Variants in NBEAL1 observed in about 807,000 individuals in gnomAD.
NBEAL1 encodes neurobeachin like 1, also known as neurobeachin-like protein 1.
NBEAL1 carries 273 observed loss-of-function variants against 351.3 expected under a neutral mutation model. The ratio of observed to expected loss-of-function variants is 0.78; its 90% CI spans 0.70 to 0.86. The LOEUF is 0.86. Among genes scored for constraint, NBEAL1 ranks in the 40% least tolerant of loss-of-function variants. NBEAL1 has a pLI of 0.00. For synonymous variants in NBEAL1, 1,050 were observed against 1,086.4 expected (o/e 0.97, Z 0.66); for missense variants, 2,961 against 3,201.3 (o/e 0.92, Z 1.81).
chr2:203,071,459 C>G (rs2061680780), intron 7 of NBEAL1, among the ~76,000 whole-genome samples: 1 of 152,140 alleles, frequency 6.6e-6, no homozygotes. Flanking sequence ...GCAATACAGT[C>G]ATATGGGGAG....
rs1419920056 is a variant in NBEAL1, at chr2:203,223,372, T to A, written c.*6018T>A. Among the ~76,000 whole-genome samples, 1 of 152,176 alleles carries A rather than the reference T, an allele frequency of 6.6e-6. No individual in the cohort carries two copies. Among genetic ancestry groups the A allele is most frequent in the Non-Finnish European group, 1.5e-5 (1 of 67,994 alleles). On this transcript the variant is annotated 3_prime_UTR_variant, in exon 56 of 56. Coordinates refer to ENST00000683969, the MANE Select transcript of NBEAL1 (RefSeq NM_001378026.1). The stretch of plus-strand genomic sequence containing the variant: ...AACAATAATAGTAATAACACAATTT[T>A]GTCATTTAAAAAATTACCCATTCAT...
intron 2 of NBEAL1, among the ~76,000 whole-genome samples, chr2:203,027,889 ATT>A (rs879821534): frequency 2.1e-5 from 3 of 143,866 alleles, no homozygotes; most frequent in Non-Finnish European, 3.1e-5. Flanking sequence ...TTTCTGAACA[ATT>A]TTTTTTTTTT....
intron 35 of NBEAL1, among the ~76,000 whole-genome samples, chr2:203,153,437 G>C (rs956003786): frequency 6.6e-6 from 1 of 151,910 alleles, no homozygotes. Flanking sequence ...AGCCGGCATG[G>C]CTGGCCAGAT....
chr2:203,062,153 T>G lies in NBEAL1; in HGVS notation c.515+4700T>G, dbSNP rs1440282193. The G allele has an allele frequency of 2.5e-6, 1 of 406,558 alleles. No homozygotes were observed. 25.2% of individuals were successfully genotyped at this position (406,558 alleles called of 1,614,324 possible). On this transcript the variant is annotated intron_variant, in intron 6 of 55. Coordinates refer to ENST00000683969, the MANE Select transcript of NBEAL1 (RefSeq NM_001378026.1). This position sits in a 1 kb window ranked among gnomAD's most constrained non-coding sequence, Gnocchi z 4.2. The stretch of plus-strand genomic sequence containing the variant: ...TTCAGATTAAGATTTGAATTCTGGC[T>G]GAAGGTTTCTCCACCTTGACTATTT...
intron 6 of NBEAL1, among the ~76,000 whole-genome samples, chr2:203,067,481 A>G (rs2061612863): frequency 6.6e-6 from 1 of 152,184 alleles, no homozygotes; most frequent in African/African-American, 2.4e-5. Context: ...TTGTTCTATG[A>G]TCAATTGACA....
intron 35 of NBEAL1, 37 bp from the exon 36 acceptor site, chr2:203,157,662 T>C (rs1382145477): frequency 8.0e-6 from 12 of 1,494,802 alleles, no homozygotes; most frequent in Non-Finnish European, 1.1e-5. Flanking sequence ...TATTGTTTTT[T>C]ACTTTATGTT....
intron 3 of NBEAL1, among the ~76,000 whole-genome samples, chr2:203,044,168 T>TA (rs1377445684): frequency 6.6e-6 from 1 of 152,076 alleles, no homozygotes; most frequent in African/African-American, 2.4e-5. Context: ...GTGAGTGTAC[T>TA]AAAAAAAGAC....
rs1192717776 is a variant in NBEAL1 at position 203,132,032 on chromosome 2, A to G, written c.3624A>G (p.Arg1208=). The G allele has an allele frequency of 6.4e-7, 1 of 1,554,686 alleles. No homozygotes were observed. The highest frequency in any genetic ancestry group is 2.0e-5 in the Admixed American group (1 of 50,936). The change falls in exon 26 of 56, where the codon CGA becomes CGG. Residue 1208 remains arginine, a synonymous_variant. Coordinates refer to ENST00000683969, the MANE Select transcript of NBEAL1 (RefSeq NM_001378026.1). ...ATGAGCGTAGTAAACAACATATTCG[A>G]CTCAGAGAAGTTGGCTACTCGGGAC... ...NVYERSKQHI[R]LREVGYSGLG...
intron 6 of NBEAL1, among the ~76,000 whole-genome samples, chr2:203,064,017 A>G (rs867490234): frequency 3.9e-5 from 6 of 152,076 alleles, no homozygotes; most frequent in Admixed American, 6.6e-5. Context: ...CCTAGGGGGA[A>G]GTTTTAGTTG....
At chr2:203,097,501 C>A in intron 10 of NBEAL1, 46 bp from the exon 11 acceptor site, 3 of 814,422 alleles carry the variant, frequency 3.7e-6, no homozygotes, top group Non-Finnish European at 4.5e-6. Context: ...TTATAGGTAA[C>A]AATTTAATGT....
chr2:203,178,238 C>T (rs1164507098), intron 42 of NBEAL1, among the ~76,000 whole-genome samples: 5 of 150,284 alleles, frequency 3.3e-5, no homozygotes, highest in Admixed American at 2.7e-4. Flanking sequence ...AGTTTCCGCT[C>T]ACTGCAACCT....
At chr2:203,024,940 AAG>A (rs148228935) in intron 2 of NBEAL1, among the ~76,000 whole-genome samples, 3,584 of 152,284 alleles carry the variant, frequency 0.024, 146 homozygotes, top group African/African-American at 0.082. Flanking sequence ...AAGAATGAAA[AAG>A]TTAAAAATGC....
At chr2:203,196,904 G>A (rs2065254908) in intron 47 of NBEAL1, among the ~76,000 whole-genome samples, 1 of 152,006 alleles carries the variant, frequency 6.6e-6, no homozygotes, top group Admixed American at 6.6e-5. Context: ...AGACCCAAAA[G>A]GAAATTTCTA....
At chr2:203,111,162 C>G (rs1448330321) in intron 15 of NBEAL1, among the ~76,000 whole-genome samples, 1 of 151,970 alleles carries the variant, frequency 6.6e-6, no homozygotes, top group Non-Finnish European at 1.5e-5. Context: ...GTGAGACTCT[C>G]TCTACAAAAA....
Position 203,190,405 on chromosome 2 carries a change from A to G in NBEAL1, c.6921+16A>G. ...ATTATTAAAGGTAAGTCAACAACTT[A>G]AGAAGTAGATTTAAGTCAACTTAAG... On this transcript the variant is annotated intron_variant, in intron 46 of 55. Transcript: ENST00000683969. 1 of 1,553,240 alleles carries G rather than the reference A, an allele frequency of 6.4e-7. No individual in the cohort carries two copies. The highest frequency in any genetic ancestry group is 8.8e-7 in the Non-Finnish European group (1 of 1,134,538).
intron 46 of NBEAL1, 29 bp from the exon 47 acceptor site, chr2:203,193,766 A>G: frequency 1.4e-6 from 2 of 1,432,004 alleles, no homozygotes; most frequent in Non-Finnish European, 2.0e-6. Context: ...ATAGATATGG[A>G]ATTGTTTTTC....
At chr2:203,210,868 T>A (rs2065768876) in intron 53 of NBEAL1, 90 bp from the exon 54 acceptor site, 2 of 649,150 alleles carry the variant, frequency 3.1e-6, no homozygotes, top group African/African-American at 1.8e-5. Flanking sequence ...TTAAGCCAAA[T>A]AATTATTCTG....
chr2:203,078,983 A>G (rs923623424), intron 8 of NBEAL1, among the ~76,000 whole-genome samples: 5 of 152,266 alleles, frequency 3.3e-5, no homozygotes, highest in Admixed American at 6.5e-5. Flanking sequence ...AGAAATTAGC[A>G]TAAATGATAT....
rs749376383 is a variant in NBEAL1, at chr2:203,211,014, C to T, written c.7842C>T (p.Ile2614=). 34 of 1,605,004 alleles carry T rather than the reference C, an allele frequency of 2.1e-5. No homozygotes were observed. In the Admixed American group the frequency reaches 3.9e-4, roughly 18 times the overall value. The change falls in exon 54 of 56, where the codon ATC becomes ATT. Residue 2614 remains isoleucine, a synonymous_variant. Coordinates refer to ENST00000683969, the MANE Select transcript of NBEAL1 (RefSeq NM_001378026.1). Reference sequence around the variant, plus strand: ...ATGGCAAGTATCTAGGGTCTCAAATCCTGAAGGAACAAGTATCAGATATAT... The same window carrying T: ...ATGGCAAGTATCTAGGGTCTCAAATTCTGAAGGAACAAGTATCAGATATAT... ...SINGKYLGSQ[I]LKEQVSDICI... is the part of the protein sequence containing the mutation.
Sources: allele counts gnomAD v4.1 joint callset (sites outside exome capture counted in the v4.1 genomes callset), GRCh38; gene constraint gnomAD v4.1.1; non-coding constraint Gnocchi (gnomAD v3.1); transcripts MANE v1.5; gene names NCBI Gene and HGNC (gene_info 2026-07-23, HGNC 2026-07-21).